The following TSHR variants were observed in gnomAD, a reference collection of about 807,000 sequenced individuals.
The protein encoded by TSHR is thyrotropin receptor.
In TSHR, 51 loss-of-function variants were observed where a neutral mutation model predicts 64.1. That is an observed-to-expected ratio of 0.80 (90% CI 0.64 to 1.01). The LOEUF is 1.01. TSHR is among the 50% of genes least tolerant of loss of function. The pLI is 0.00. For missense variants in TSHR, 877 were observed against 942.8 expected (o/e 0.93, Z 0.91); for synonymous variants, 361 against 361.9 (o/e 1.00, Z 0.03).
intron 1 of TSHR, among the ~76,000 whole-genome samples, chr14:80,997,820 A>G (rs1202974782): frequency 6.6e-6 from 1 of 152,236 alleles, no homozygotes; most frequent in Non-Finnish European, 1.5e-5. Context: ...TTAGTGTCTA[A>G]TCTGCCTACT....
chr14:80,990,741 G>C (rs780470149), intron 1 of TSHR, among the ~76,000 whole-genome samples: 1 of 151,914 alleles, frequency 6.6e-6, no homozygotes, highest in African/African-American at 2.4e-5. Flanking sequence ...CGCAACCTCC[G>C]CCTCCTGGGT....
chr14:81,021,178 G>A (rs571654974), intron 1 of TSHR, among the ~76,000 whole-genome samples: 37 of 152,154 alleles, frequency 2.4e-4, no homozygotes, highest in African/African-American at 8.7e-4. Context: ...GCCAGTCTAT[G>A]GAAAAATTGT....
At chr14:81,012,804 T>C (rs1416688548) in intron 1 of TSHR, 1 of 151,706 alleles carries the variant, frequency 6.6e-6, no homozygotes, top group African/African-American at 2.4e-5. Context: ...TTTTTTCTTG[T>C]AAATTTGTTT....
chr14:81,078,467 T>A (rs1437790655), intron 3 of TSHR, among the ~76,000 whole-genome samples: 2 of 152,236 alleles, frequency 1.3e-5, no homozygotes, highest in African/African-American at 2.4e-5. Flanking sequence ...GCTTTTCAAC[T>A]GTTTAATCAT....
At chr14:81,131,308 C>G (rs1214494226) in intron 8 of TSHR, among the ~76,000 whole-genome samples, 2 of 152,208 alleles carry the variant, frequency 1.3e-5, no homozygotes, top group East Asian at 3.8e-4. Flanking sequence ...TGCTACCACC[C>G]TAGTCCAAAG....
intron 8 of TSHR, among the ~76,000 whole-genome samples, chr14:81,114,135 A>AG (rs1245093432): frequency 6.6e-6 from 1 of 151,118 alleles, no homozygotes; most frequent in African/African-American, 2.4e-5. Context: ...GGAAAAGAAA[A>AG]AAAAAAAAAA....
intron 1 of TSHR, among the ~76,000 whole-genome samples, chr14:80,989,161 G>C (rs1009559988): frequency 2.0e-5 from 3 of 152,154 alleles, no homozygotes; most frequent in South Asian, 2.1e-4. Flanking sequence ...TATGTTAATT[G>C]CACCTTGAAA....
At position 81,144,626 on chromosome 14, in the gene TSHR, A is replaced by C. The variant is rs911625317; in HGVS notation, c.*273A>C. 5 of 484,152 alleles carry C rather than the reference A, an allele frequency of 1.0e-5. No homozygotes were observed. Among genetic ancestry groups the C allele is most frequent in the African/African-American group, 9.6e-5 (5 of 52,122 alleles). 30.0% of individuals were successfully genotyped at this position (484,152 alleles called of 1,614,324 possible). The stretch of plus-strand genomic sequence containing the variant: ...TATCTAGAAGACTTTCTTGATGCCA[A>C]GTCCAGAGATGTCATTGTGTAGGAT... On this transcript the variant is annotated 3_prime_UTR_variant, in exon 10 of 10. Coordinates refer to ENST00000298171, the MANE Select transcript of TSHR (RefSeq NM_000369.5).
chr14:81,105,967 T>TC (rs1165854587), intron 7 of TSHR, among the ~76,000 whole-genome samples: 6 of 151,756 alleles, frequency 4.0e-5, no homozygotes, highest in African/African-American at 1.2e-4. Flanking sequence ...TTTTTTTTTT[T>TC]CAAGGTGGAT....
chr14:80,978,368 C>G (rs1323438073), intron 1 of TSHR, among the ~76,000 whole-genome samples: 1 of 152,158 alleles, frequency 6.6e-6, no homozygotes, highest in East Asian at 1.9e-4. Context: ...ATTCCAGTAC[C>G]AACTGTATCA....
chr14:81,128,889 A>G (rs1435913513), intron 8 of TSHR, among the ~76,000 whole-genome samples: 1 of 152,032 alleles, frequency 6.6e-6, no homozygotes, highest in Admixed American at 6.6e-5. Context: ...TTTCCCCATG[A>G]TGCTTATTAC....
intron 1 of TSHR, among the ~76,000 whole-genome samples, chr14:81,026,812 G>A (rs969594805): frequency 6.6e-6 from 1 of 152,164 alleles, no homozygotes; most frequent in Non-Finnish European, 1.5e-5. Flanking sequence ...GAGGCAGGCA[G>A]ATCACCTGAG....
intron 1 of TSHR, among the ~76,000 whole-genome samples, chr14:80,989,348 T>C (rs1168556980): frequency 1.3e-5 from 2 of 152,156 alleles, no homozygotes; most frequent in African/African-American, 4.8e-5. Context: ...CATTCTCTCA[T>C]AGTAGGTGTT....
chr14:80,959,177 G>A (rs941456431), intron 1 of TSHR, among the ~76,000 whole-genome samples: 6 of 152,020 alleles, frequency 3.9e-5, no homozygotes, highest in African/African-American at 1.4e-4. Context: ...CCTCCAGAAG[G>A]GTATGATGCT....
chr14:81,027,670 A>G (rs938209660), intron 1 of TSHR, among the ~76,000 whole-genome samples: 14 of 152,094 alleles, frequency 9.2e-5, no homozygotes, highest in Admixed American at 1.3e-4. Flanking sequence ...AACGTAGGGG[A>G]AAAAAACCTA....
At chr14:81,113,591 T>C (rs1355669048) in intron 8 of TSHR, among the ~76,000 whole-genome samples, 2 of 152,074 alleles carry the variant, frequency 1.3e-5, no homozygotes, top group Non-Finnish European at 2.9e-5. Context: ...TTAAACAACA[T>C]TAAAATGACA....
Position 81,143,220 on chromosome 14 carries a change from A to C in TSHR, c.1162A>C (p.Thr388Pro), listed in dbSNP as rs1235838996. The part of the protein sequence containing the change: ...LQAFDSHYDY[T>P]ICGDSEDMVC... ...AGCTTTTGACAGCCATTATGACTAC[A>C]CCATATGTGGGGACAGTGAAGACAT... Residue 388 changes from threonine (T) to proline (P), a missense_variant, in exon 10 of 10, where the codon ACC becomes CCC. Thr to Pro is a conservative substitution (Grantham distance 38). Transcript: ENST00000298171. 6 of 1,613,976 alleles carry C rather than the reference A, an allele frequency of 3.7e-6. No homozygotes were observed. The highest frequency in any genetic ancestry group is 5.1e-6 in the Non-Finnish European group (6 of 1,180,026).
chr14:81,128,462 G>C (rs1462753526), intron 8 of TSHR, among the ~76,000 whole-genome samples: 1 of 152,166 alleles, frequency 6.6e-6, no homozygotes. Flanking sequence ...TCTTGCACCT[G>C]TTGTAATTCT....
chr14:81,033,144 A>G (rs1310848399), intron 1 of TSHR: 1 of 386,386 alleles, frequency 2.6e-6, no homozygotes, highest in African/African-American at 2.2e-5. Flanking sequence ...CTGATGTGCT[A>G]TGGAAACACT....
Sources: gnomAD v4.1 joint callset for allele counts (sites outside exome capture counted in the v4.1 genomes callset) on GRCh38, gnomAD v4.1.1 for gene constraint, MANE v1.5 for transcripts, NCBI Gene and HGNC (gene_info 2026-07-23, HGNC 2026-07-21) for gene names.